Variants in GTF3C2 observed in about 807,000 individuals in gnomAD.
GTF3C2 encodes general transcription factor 3C polypeptide 2.
GTF3C2 carries 17 observed loss-of-function variants against 117.4 expected under a neutral mutation model. That is an observed-to-expected ratio of 0.14 (90% CI 0.10 to 0.22). The LOEUF (loss-of-function observed/expected upper bound fraction) is 0.22, where lower values mean the gene tolerates loss of function less well. Among genes scored for constraint, GTF3C2 ranks in the 10% least tolerant of loss-of-function variants. The pLI is 1.00. For missense variants in GTF3C2, 888 were observed against 1,143.6 expected (o/e 0.78, Z 3.22); for synonymous variants, 437 against 427.0 (o/e 1.02, Z -0.29).
At chr2:27,351,378 C>T (rs1681131874) in intron 1 of GTF3C2, among the ~76,000 whole-genome samples, 1 of 152,172 alleles carries the variant, frequency 6.6e-6, no homozygotes. Context: ...CGCGCCACTG[C>T]ACTCCAGCCT....
chr2:27,326,966 C>CA (rs35568684), intron 18 of GTF3C2, 73 bp from the exon 19 acceptor site: 9,141 of 694,308 alleles, frequency 0.013, 11 homozygotes, highest in African/African-American at 0.022. Context: ...GCTGTATGAA[C>CA]AAAAAAAAAA....
chr2:27,340,757 A>G (rs1680699505), intron 4 of GTF3C2: 1 of 151,056 alleles, frequency 6.6e-6, no homozygotes, highest in South Asian at 2.1e-4. Context: ...AGTAGCTGGG[A>G]TTACAGGCGT....
At chr2:27,351,493 C>T (rs1681137664) in intron 1 of GTF3C2, among the ~76,000 whole-genome samples, 1 of 152,138 alleles carries the variant, frequency 6.6e-6, no homozygotes, top group African/African-American at 2.4e-5. Context: ...CCTACCACAG[C>T]CAATGGCTCC....
At chr2:27,355,442 C>A (rs954385990) in intron 1 of GTF3C2, among the ~76,000 whole-genome samples, 2 of 152,014 alleles carry the variant, frequency 1.3e-5, no homozygotes, top group African/African-American at 4.8e-5. Flanking sequence ...ATCGCTTGAA[C>A]CCGGGAGGCG....
chr2:27,355,429 A>G (rs1193861192), intron 1 of GTF3C2, among the ~76,000 whole-genome samples: 1 of 152,062 alleles, frequency 6.6e-6, no homozygotes, highest in Non-Finnish European at 1.5e-5. Flanking sequence ...CTGAGGCAGG[A>G]GAATCGCTTG....
At position 27,329,636 on chromosome 2, in the gene GTF3C2, T is replaced by G. The variant is rs1333372077; in HGVS notation, c.1733-113A>C. The G allele has an allele frequency of 2.1e-6, 2 of 956,730 alleles. No homozygotes were observed. Among genetic ancestry groups the G allele is most frequent in the East Asian group, 4.8e-5 (2 of 41,444 alleles). 59.3% of individuals were successfully genotyped at this position (956,730 alleles called of 1,614,324 possible). ...TCTTCTACCCTCAGATCCAAACCAC[T>G]ATGAAAGGATGTGGGGATCCTGATT... On this transcript the variant is annotated intron_variant, in intron 12 of 18. Transcript: ENST00000264720. The surrounding 1 kb of genome is among the most constrained non-coding windows in gnomAD (Gnocchi z 4.5).
At chr2:27,348,238 G>C (rs1042047302) in intron 1 of GTF3C2, among the ~76,000 whole-genome samples, 13 of 150,220 alleles carry the variant, frequency 8.7e-5, no homozygotes, top group African/African-American at 2.5e-4. Flanking sequence ...TTGCACTCCA[G>C]CCTGGGCGAC....
At position 27,327,164 on chromosome 2, in the gene GTF3C2, G is replaced by C; in HGVS notation, c.2517+13C>G. The C allele has an allele frequency of 7.3e-7, 1 of 1,377,876 alleles. No individual in the cohort carries two copies. The highest frequency in any genetic ancestry group is 2.3e-5 in the East Asian group (1 of 43,812). 85.4% of individuals were successfully genotyped at this position (1,377,876 alleles called of 1,614,324 possible). A position where few individuals can be genotyped will look rare whatever the true frequency, so the allele number is the denominator to read the frequency against. On this transcript the variant is annotated intron_variant, in intron 18 of 18. Transcript: ENST00000264720. ...GGAAATGAGAGTGGAGGGTGGAGAG[G>C]ATGAGAGACTACCTTATGAATAGCC...
chr2:27,352,831 T>C (rs1348036938), intron 1 of GTF3C2, among the ~76,000 whole-genome samples: 1 of 152,194 alleles, frequency 6.6e-6, no homozygotes, highest in African/African-American at 2.4e-5. Flanking sequence ...CTCAGCCTCA[T>C]TCAAGTTGAC....
intron 1 of GTF3C2, chr2:27,356,456 G>A: frequency 3.9e-6 from 1 of 255,034 alleles, no homozygotes; most frequent in Non-Finnish European, 8.2e-6. Context: ...CGCTACGTAT[G>A]CAGCGCCTAC....
At chr2:27,340,267 C>CA (rs1238111278) in intron 4 of GTF3C2, 8 of 151,972 alleles carry the variant, frequency 5.3e-5, no homozygotes, top group African/African-American at 1.9e-4. Flanking sequence ...TTTTTAAAGA[C>CA]AGAGTCTGGC....
chr2:27,352,407 C>A (rs1309684479), intron 1 of GTF3C2, among the ~76,000 whole-genome samples: 1 of 152,152 alleles, frequency 6.6e-6, no homozygotes, highest in East Asian at 1.9e-4. Context: ...AACTTTTTGC[C>A]AAGTAAGCTA....
chr2:27,330,995 T>TAC (rs1680255694), intron 12 of GTF3C2, among the ~76,000 whole-genome samples: 1 of 152,196 alleles, frequency 6.6e-6, no homozygotes, highest in African/African-American at 2.4e-5. Flanking sequence ...GGCGCATGCC[T>TAC]GTAGTCTCAG....
At chr2:27,333,655 C>T in exon 12 of GTF3C2, 1 of 1,599,512 alleles carries the variant, frequency 6.3e-7, no homozygotes, top group Non-Finnish European at 8.5e-7. Flanking sequence ...GTTTTTTTAC[C>T]ATTATAATAT....
chr2:27,356,184 G>A (rs1681370199), intron 1 of GTF3C2: 7 of 909,308 alleles, frequency 7.7e-6, no homozygotes, highest in Middle Eastern at 2.5e-4. Flanking sequence ...CGGGACAAAA[G>A]GACTAGACAG....
chr2:27,335,025 A>T (rs964746231), intron 10 of GTF3C2, among the ~76,000 whole-genome samples: 8 of 152,094 alleles, frequency 5.3e-5, no homozygotes, highest in African/African-American at 1.9e-4. Context: ...AACCCACTCC[A>T]CCAGACCACC....
At chr2:27,353,053 T>A (rs1681190392) in intron 1 of GTF3C2, among the ~76,000 whole-genome samples, 1 of 152,090 alleles carries the variant, frequency 6.6e-6, no homozygotes, top group South Asian at 2.1e-4. Flanking sequence ...CTTTACTTTT[T>A]TAGAATTGTT....
rs576762490 is a variant in GTF3C2 at position 27,344,536 on chromosome 2, T to C, written c.-24-958A>G. ...AAAAAAGAAGAGAGAGAAAAATTTG[T>C]CTAGCATGAATCTAGGAAAGGGACA... On this transcript the variant is annotated intron_variant, in intron 1 of 18. Transcript: ENST00000264720. Among the ~76,000 whole-genome samples, 6 of 152,240 alleles carry C rather than the reference T, an allele frequency of 3.9e-5. No individual in the cohort carries two copies. In the South Asian group the frequency reaches 1.0e-3, roughly 26 times the overall value.
chr2:27,341,809 T>G, intron 4 of GTF3C2, 139 bp downstream of exon 4: 1 of 681,686 alleles, frequency 1.5e-6, no homozygotes, highest in East Asian at 2.7e-5. Context: ...CCAAATGTTT[T>G]GGAAATGGAC....
Sources: gnomAD v4.1 joint callset for allele counts (sites outside exome capture counted in the v4.1 genomes callset) on GRCh38, gnomAD v4.1.1 for gene constraint, Gnocchi (gnomAD v3.1) non-coding constraint, MANE v1.5 for transcripts, NCBI Gene and HGNC (gene_info 2026-07-23, HGNC 2026-07-21) for gene names.